Variants in TLCD4 observed in about 807,000 individuals in gnomAD.
TLCD4 encodes TLC domain-containing protein 4.
A neutral mutation model predicts 24.2 loss-of-function variants in TLCD4; 7 were observed. The observed-to-expected ratio is 0.29, with a 90% CI of 0.16 to 0.54. The LOEUF (loss-of-function observed/expected upper bound fraction) is 0.54. Among genes scored for constraint, TLCD4 ranks in the 20% least tolerant of loss-of-function variants. The pLI, the probability that TLCD4 is intolerant of heterozygous loss-of-function variation, is 0.95. For missense variants in TLCD4, 259 were observed against 313.9 expected, an observed-to-expected ratio of 0.82 and a Z score of 1.32; for synonymous variants, 103 against 106.4, an observed-to-expected ratio of 0.97 and a Z score of 0.20.
In TLCD4 at chr1:95,168,363, C is replaced by T. The variant is rs1296092257; in HGVS notation, c.400-5453C>T. ...TTACAATGGTCCCACATTCCCCTGC[C>T]TCTTCTACTTGCTTACCCACTTTTA... On this transcript the variant is annotated intron_variant, in intron 5 of 6. Transcript: ENST00000370203. Among the ~76,000 whole-genome samples, 3 of 152,014 alleles carry T rather than the reference C, an allele frequency of 2.0e-5. No individual in the cohort carries two copies. In the East Asian group the frequency reaches 5.8e-4, roughly 29 times the overall value.
At chr1:95,135,257 C>T (rs1022769528) in intron 1 of TLCD4, among the ~76,000 whole-genome samples, 1 of 152,140 alleles carries the variant, frequency 6.6e-6, no homozygotes, top group Admixed American at 6.5e-5. Flanking sequence ...TGCAGACAAC[C>T]CTCCCAGCTC....
chr1:95,175,324 A>G (rs1180566283), intron 6 of TLCD4, among the ~76,000 whole-genome samples: 2 of 152,184 alleles, frequency 1.3e-5, no homozygotes, highest in East Asian at 1.9e-4. Context: ...TTTGCTTACT[A>G]TAATGTCCTT....
chr1:95,117,440 T>G lies in TLCD4; in HGVS notation c.-189T>G, dbSNP rs1676454287. ...TAGCTGGAGCCTCCGCGACTGCACC[T>G]CCAAGCGGCCCGGAACCCGCGGCTT... is the stretch of plus-strand genomic sequence containing the variant. On this transcript the variant is annotated 5_prime_UTR_variant, in exon 1 of 7. Transcript: ENST00000370203. 6.6e-6 allele frequency: 1 copy of G among 152,250 alleles called. No individual in the cohort carries two copies. The highest frequency in any genetic ancestry group is 2.1e-4 in the South Asian group (1 of 4,828). The allele number at this position is 152,250 out of a possible 1,614,324, so 9.4% of individuals were successfully genotyped here. A position where few individuals can be genotyped will look rare whatever the true frequency, so the allele number is the denominator to read the frequency against.
In TLCD4 at chr1:95,178,560, G is replaced by A. The variant is rs534856901; in HGVS notation, c.473+4671G>A. ...TTACAGGCGTGAGCCACCATGCCCA[G>A]CCCTTTTTTTTTTTTTTTTTTTTTT... On this transcript the variant is annotated intron_variant, in intron 6 of 6. Coordinates refer to ENST00000370203, the MANE Select transcript of TLCD4 (RefSeq NM_152487.3). Among the ~76,000 whole-genome samples the A allele has an allele frequency of 1.3e-4, 11 of 82,864 alleles. No homozygotes were observed. In the South Asian group the frequency reaches 3.6e-3, roughly 27 times the overall value. 54.4% of individuals were successfully genotyped at this position (82,864 alleles called of 152,430 possible).
chr1:95,106,826 A>C, the TLCD4 span, among the ~76,000 whole-genome samples: 2 of 152,228 alleles, frequency 1.3e-5, no homozygotes, highest in Non-Finnish European at 2.9e-5. Context: ...CTGGAGGACA[A>C]AAAATGCTTT....
rs553075840 is a variant in TLCD4, at chr1:95,192,945, G to A, written c.*1077G>A. On this transcript the variant is annotated 3_prime_UTR_variant, in exon 7 of 7. Transcript: ENST00000370203. ...TGATAGAGGACTATTTAGGCTAATCGGAGGAATCATTAAGAAAGAAAGTTT... is the reference window on the plus strand; with the variant it reads ...TGATAGAGGACTATTTAGGCTAATCAGAGGAATCATTAAGAAAGAAAGTTT... 5 of 152,016 alleles carry A rather than the reference G, an allele frequency of 3.3e-5. No individual in the cohort carries two copies. The highest frequency in any genetic ancestry group is 2.1e-4 in the South Asian group (1 of 4,826). The allele number at this position is 152,016 out of a possible 1,614,324, so 9.4% of individuals were successfully genotyped here. A position where few individuals can be genotyped will look rare whatever the true frequency, so the allele number is the denominator to read the frequency against.
intron 6 of TLCD4, among the ~76,000 whole-genome samples, chr1:95,187,213 C>T (rs1284812403): frequency 3.3e-5 from 5 of 152,278 alleles, no homozygotes; most frequent in African/African-American, 7.2e-5. Context: ...CTATTGTTAG[C>T]GTCATAGATC....
chr1:95,124,321 A>G (rs1676652416), intron 1 of TLCD4, among the ~76,000 whole-genome samples: 1 of 152,224 alleles, frequency 6.6e-6, no homozygotes, highest in South Asian at 2.1e-4. Flanking sequence ...GAAGAGGCAA[A>G]TGATCTATAA....
chr1:95,163,423 C>CT (rs78689095), intron 5 of TLCD4: 56,118 of 151,894 alleles, frequency 0.37, 11,612 homozygotes, highest in Middle Eastern at 0.55. Flanking sequence ...ATGTTTTTAG[C>CT]TTTTTTGCGA....
In TLCD4 at chr1:95,196,105, A is replaced by G. The variant is rs1431853520; in HGVS notation, c.*4237A>G. 2 of 152,240 alleles carry G rather than the reference A, an allele frequency of 1.3e-5. No individual in the cohort carries two copies. Among genetic ancestry groups the G allele is most frequent in the Non-Finnish European group, 2.9e-5 (2 of 68,032 alleles). The allele number at this position is 152,240 out of a possible 1,614,324, so 9.4% of individuals were successfully genotyped here. A position where few individuals can be genotyped will look rare whatever the true frequency, so the allele number is the denominator to read the frequency against. ...TACAGGAAGCCATTCAGCATTTAAT[A>G]ATAACTGTTTACAACATGAGGCAAA... On this transcript the variant is annotated 3_prime_UTR_variant, in exon 7 of 7. Transcript: ENST00000370203.
chr1:95,196,634 C>T lies in TLCD4; in HGVS notation c.*4766C>T, dbSNP rs1228679854. On this transcript the variant is annotated 3_prime_UTR_variant, in exon 7 of 7. Transcript: ENST00000370203. ...TCTAAGCAGTGGACCATTTTGATAT[C>T]AGGCCCTATACATAAGACCAAAACC... 1.3e-5 allele frequency: 2 copies of T among 152,176 alleles called. No homozygotes were observed. The highest frequency in any genetic ancestry group is 2.9e-5 in the Non-Finnish European group (2 of 68,020). The allele number at this position is 152,176 out of a possible 1,614,324, so 9.4% of individuals were successfully genotyped here.
chr1:95,136,816 T>C (rs1571733876), intron 1 of TLCD4, among the ~76,000 whole-genome samples: 1 of 152,212 alleles, frequency 6.6e-6, no homozygotes, highest in Non-Finnish European at 1.5e-5. Context: ...GAATCCAGGA[T>C]GACTGAGCTG....
chr1:95,163,147 C>T (rs901401976), intron 5 of TLCD4: 5 of 152,200 alleles, frequency 3.3e-5, no homozygotes, highest in Admixed American at 6.5e-5. Context: ...ACCAGTCAAA[C>T]GTAGATTTGG....
Position 95,151,317 on chromosome 1 carries a change from T to C in TLCD4, c.305-8T>C. 1 of 1,612,546 alleles carries C rather than the reference T, an allele frequency of 6.2e-7. No individual in the cohort carries two copies. Reference sequence around the variant, plus strand: ...ATGTAATACCTTACTCACTTTTCTTTCTTACAGATTTGTCCATTATAATTT... The same window carrying C: ...ATGTAATACCTTACTCACTTTTCTTCCTTACAGATTTGTCCATTATAATTT... On this transcript the variant is annotated splice_region_variant and splice_polypyrimidine_tract_variant and intron_variant, in intron 4 of 6. Transcript: ENST00000370203.
chr1:95,153,498 A>G (rs894355943), intron 5 of TLCD4, among the ~76,000 whole-genome samples: 2 of 152,178 alleles, frequency 1.3e-5, no homozygotes, highest in Non-Finnish European at 2.9e-5. Context: ...AGGTTCAACG[A>G]TGCATAAGGA....
chr1:95,137,590 C>T (rs1006622202), intron 1 of TLCD4, among the ~76,000 whole-genome samples: 4 of 152,054 alleles, frequency 2.6e-5, no homozygotes, highest in African/African-American at 7.2e-5. Context: ...TAATCCTAAC[C>T]TCACCTACTA....
At chr1:95,173,456 C>T (rs966571053) in intron 5 of TLCD4, among the ~76,000 whole-genome samples, 1 of 152,104 alleles carries the variant, frequency 6.6e-6, no homozygotes, top group African/African-American at 2.4e-5. Flanking sequence ...ACTACAGGCG[C>T]GTGCCACGTG....
At chr1:95,146,654 AT>A (rs1677357879) in intron 2 of TLCD4, among the ~76,000 whole-genome samples, 1 of 152,160 alleles carries the variant, frequency 6.6e-6, no homozygotes, top group Non-Finnish European at 1.5e-5. Context: ...ATAATAAAAT[AT>A]AAAATTTTTA....
rs887906149 is a variant in TLCD4, at chr1:95,174,126, G to A, written c.473+237G>A. 5.5e-6 allele frequency: 3 copies of A among 544,386 alleles called. No individual in the cohort carries two copies. In the Admixed American group the frequency reaches 1.0e-4, roughly 19 times the overall value. 33.7% of individuals were successfully genotyped at this position (544,386 alleles called of 1,614,324 possible). On this transcript the variant is annotated intron_variant, in intron 6 of 6. Coordinates refer to ENST00000370203, the MANE Select transcript of TLCD4 (RefSeq NM_152487.3). ...TTTTAAATCCTGCTCTTTGCAGTACGATGGTGCTTTATGATGCCTGCTTCC... is the reference window on the plus strand; with the variant it reads ...TTTTAAATCCTGCTCTTTGCAGTACAATGGTGCTTTATGATGCCTGCTTCC...
Sources: allele counts gnomAD v4.1 joint callset (sites outside exome capture counted in the v4.1 genomes callset), GRCh38; gene constraint gnomAD v4.1.1; transcripts MANE v1.5; gene names NCBI Gene and HGNC (gene_info 2026-07-23, HGNC 2026-07-21).